CHST12: variants seen among roughly 807,000 people sequenced by gnomAD.
The protein encoded by CHST12 is carbohydrate (chondroitin 4) sulfotransferase 12.
CHST12 carries 23 observed loss-of-function variants against 27.9 expected under a neutral mutation model. The ratio of observed to expected loss-of-function variants is 0.82; its 90% CI spans 0.59 to 1.17. The LOEUF is 1.17. Among genes scored for constraint, CHST12 ranks in the 50% most tolerant of loss-of-function variants. The pLI, the probability that CHST12 is intolerant of heterozygous loss-of-function variation, is 0.00. For missense variants in CHST12, 682 were observed against 603.0 expected (o/e 1.13, Z -1.37); for synonymous variants, 322 against 273.0 (o/e 1.18, Z -1.77).
intron 1 of CHST12, among the ~76,000 whole-genome samples, chr7:2,412,438 A>G (rs1476403124): frequency 6.6e-6 from 1 of 152,204 alleles, no homozygotes; most frequent in East Asian, 1.9e-4. Context: ...GTGTCTGTAA[A>G]GCTGGAAAAG....
At chr7:2,415,905 C>T (rs879696370) in intron 1 of CHST12, among the ~76,000 whole-genome samples, 4 of 152,176 alleles carry the variant, frequency 2.6e-5, no homozygotes, top group African/African-American at 4.8e-5. Context: ...TGAGCCACCG[C>T]GCCTGGCTGG....
At chr7:2,403,498 C>T (rs376953581), upstream of CHST12, 19 of 151,832 alleles carry the variant, frequency 1.3e-4, no homozygotes, top group East Asian at 2.9e-3. Context: ...GCGGGCGCCC[C>T]TCGGCCTCCG....
chr7:2,418,628 G>C (rs1451459684), intron 1 of CHST12, among the ~76,000 whole-genome samples: 1 of 152,232 alleles, frequency 6.6e-6, no homozygotes, highest in Non-Finnish European at 1.5e-5. Context: ...TTTGGAAGCA[G>C]GTGGGATCAT....
chr7:2,429,784 T>C (rs1274129058), intron 1 of CHST12, among the ~76,000 whole-genome samples: 3 of 152,168 alleles, frequency 2.0e-5, no homozygotes, highest in African/African-American at 4.8e-5. Flanking sequence ...TTTTTTGTTT[T>C]TGTTTTTCTT....
Position 2,446,382 on chromosome 7 carries a change from A to G in CHST12, c.*12498A>G, listed in dbSNP as rs761791336. The G allele has an allele frequency of 3.9e-5, 6 of 152,770 alleles. No homozygotes were observed. Among genetic ancestry groups the G allele is most frequent in the Non-Finnish European group, 8.8e-5 (6 of 68,120 alleles). 9.5% of individuals were successfully genotyped at this position (152,770 alleles called of 1,614,324 possible). A position where few individuals can be genotyped will look rare whatever the true frequency, so the allele number is the denominator to read the frequency against. ...GAGAGGAAAAACCCAGGCTCTGAGGAAAAACCTCTCCAGCCCAGCGCGTGG... is the reference window on the plus strand; with the variant it reads ...GAGAGGAAAAACCCAGGCTCTGAGGGAAAACCTCTCCAGCCCAGCGCGTGG... On this transcript the variant is annotated 3_prime_UTR_variant, in exon 2 of 2. Transcript: ENST00000618655.
intron 1 of CHST12, among the ~76,000 whole-genome samples, chr7:2,422,266 G>A (rs1178004936): frequency 6.6e-6 from 1 of 151,210 alleles, no homozygotes; most frequent in East Asian, 1.9e-4. Flanking sequence ...TTTTTTGAGA[G>A]GGAGTTTCCC....
intron 1 of CHST12, among the ~76,000 whole-genome samples, chr7:2,410,452 T>G (rs1781637873): frequency 6.6e-6 from 1 of 152,088 alleles, no homozygotes; most frequent in Non-Finnish European, 1.5e-5. Context: ...GTTCAGGGAT[T>G]CTGCGATTGC....
At chr7:2,415,480 C>A (rs150110596) in intron 1 of CHST12, among the ~76,000 whole-genome samples, 117 of 152,180 alleles carry the variant, frequency 7.7e-4, no homozygotes, top group African/African-American at 2.7e-3. Context: ...CTAAAAAATG[C>A]TAACAATTAT....
intron 1 of CHST12, among the ~76,000 whole-genome samples, chr7:2,418,200 C>G (rs1781861414): frequency 6.6e-6 from 1 of 152,210 alleles, no homozygotes. Flanking sequence ...GGCTTCATGC[C>G]CTGCATGTTG....
rs1479814748 is a variant in CHST12 at position 2,445,504 on chromosome 7, C to T, written c.*11620C>T. ...GGAATCTCACTGTGTCGCCCAGGCT[C>T]ACTGCAACCTATGCCTCCCGGGTTC... On this transcript the variant is annotated 3_prime_UTR_variant, in exon 2 of 2. Transcript: ENST00000618655. The T allele has an allele frequency of 6.6e-6, 1 of 152,280 alleles. No individual in the cohort carries two copies. The highest frequency in any genetic ancestry group is 1.5e-5 in the Non-Finnish European group (1 of 68,100). 9.4% of individuals were successfully genotyped at this position (152,280 alleles called of 1,614,324 possible). A position where few individuals can be genotyped will look rare whatever the true frequency, so the allele number is the denominator to read the frequency against.
chr7:2,433,035 C>T lies in CHST12; in HGVS notation c.396C>T (p.Cys132=), dbSNP rs377545934. The part of the protein sequence containing the change: ...AERRSVLRGF[C]ANSSLAFPTK... ...GGAGGAGCGTGCTGCGGGGCTTCTG[C>T]GCCAACTCCAGCCTGGCCTTCCCCA... Residue 132 remains cysteine (C), a synonymous_variant, in exon 2 of 2, where the codon TGC becomes TGT. Coordinates refer to ENST00000618655, the MANE Select transcript of CHST12 (RefSeq NM_018641.5). This position sits in a 1 kb window ranked among gnomAD's most constrained non-coding sequence, Gnocchi z 6.1. 14 of 1,611,346 alleles carry T rather than the reference C, an allele frequency of 8.7e-6. No individual in the cohort carries two copies. The highest frequency in any genetic ancestry group is 4.5e-5 in the East Asian group (2 of 44,880).
intron 1 of CHST12, among the ~76,000 whole-genome samples, 189 bp from the exon 2 acceptor site, chr7:2,432,374 G>T (rs1782294562): frequency 6.6e-6 from 1 of 152,086 alleles, no homozygotes; most frequent in Non-Finnish European, 1.5e-5. Flanking sequence ...CATTACTGGT[G>T]CTCGGGCACA....
intron 1 of CHST12, among the ~76,000 whole-genome samples, chr7:2,409,385 C>T (rs1002530899): frequency 6.6e-6 from 1 of 152,084 alleles, no homozygotes; most frequent in African/African-American, 2.4e-5. Flanking sequence ...GAGGCCGAGG[C>T]AGGAGGATTG....
rs138518059 is a variant in CHST12 at position 2,412,287 on chromosome 7, G to A, written c.-78+8614G>A. 2.5e-4 allele frequency among the ~76,000 whole-genome samples: 38 copies of A among 152,330 alleles called. No individual in the cohort carries two copies. In the East Asian group the frequency reaches 7.1e-3, roughly 29 times the overall value. On this transcript the variant is annotated intron_variant, in intron 1 of 1. Transcript: ENST00000618655. ...CGTGAAAATGTGTCTCACGATGGAG[G>A]TTTTAATGTAGTACCACTGTGTGTA...
At chr7:2,409,220 T>C (rs1781601803) in intron 1 of CHST12, among the ~76,000 whole-genome samples, 1 of 152,170 alleles carries the variant, frequency 6.6e-6, no homozygotes. Context: ...AGGAGAGCGC[T>C]GCATTTTCGC....
At chr7:2,420,268 G>A (rs148904136) in intron 1 of CHST12, among the ~76,000 whole-genome samples, 537 of 152,070 alleles carry the variant, frequency 3.5e-3, no homozygotes, top group African/African-American at 0.012. Flanking sequence ...CCGCCACACC[G>A]GCCAAGTATT....
At position 2,439,805 on chromosome 7, in the gene CHST12, G is replaced by T. The variant is rs943450996; in HGVS notation, c.*5921G>T. 6.6e-6 allele frequency: 1 copy of T among 151,958 alleles called. No homozygotes were observed. Among genetic ancestry groups the T allele is most frequent in the African/African-American group, 2.4e-5 (1 of 41,432 alleles). The allele number at this position is 151,958 out of a possible 1,614,324, so 9.4% of individuals were successfully genotyped here. Reference sequence around the variant, plus strand: ...GAGGCAGGAGAATGGCGTGAACCCGGGAGGCGGAGCTTGCAGTGAGCGGAG... The same window carrying T: ...GAGGCAGGAGAATGGCGTGAACCCGTGAGGCGGAGCTTGCAGTGAGCGGAG... On this transcript the variant is annotated 3_prime_UTR_variant, in exon 2 of 2. Coordinates refer to ENST00000618655, the MANE Select transcript of CHST12 (RefSeq NM_018641.5).
intron 1 of CHST12, among the ~76,000 whole-genome samples, chr7:2,411,009 G>T (rs757665286): frequency 6.6e-6 from 1 of 152,062 alleles, no homozygotes; most frequent in Non-Finnish European, 1.5e-5. Flanking sequence ...GTGGGGTGTA[G>T]GTAGGGCAGA....
chr7:2,433,298 GGCGCC>G lies in CHST12; in HGVS notation c.662_666del (p.Arg221LeufsTer172). 1 of 1,612,370 alleles carries G rather than the reference GGCGCC, an allele frequency of 6.2e-7. No individual in the cohort carries two copies. Among genetic ancestry groups the G allele is most frequent in the Non-Finnish European group, 8.5e-7 (1 of 1,179,210 alleles). On this transcript the variant is annotated frameshift_variant, in exon 2 of 2. Coordinates refer to ENST00000618655, the MANE Select transcript of CHST12 (RefSeq NM_018641.5). LOFTEE classifies it high-confidence loss of function. This position sits in a 1 kb window ranked among gnomAD's most constrained non-coding sequence, Gnocchi z 6.1. ...GCGCACCTGACCTTCAACAAGTTCTGGCGCCGCTACGGGAAGCTCTCCCGCCACCT... is the reference window on the plus strand; with the variant it reads ...GCGCACCTGACCTTCAACAAGTTCTGGCTACGGGAAGCTCTCCCGCCACCT...
Sources: gnomAD v4.1 joint callset for allele counts (sites outside exome capture counted in the v4.1 genomes callset) on GRCh38, gnomAD v4.1.1 for gene constraint, Gnocchi (gnomAD v3.1) non-coding constraint, MANE v1.5 for transcripts, NCBI Gene and HGNC (gene_info 2026-07-23, HGNC 2026-07-21) for gene names.